The following LMNTD2 variants were observed in gnomAD, a reference collection of about 807,000 sequenced individuals.
The protein encoded by LMNTD2 is lamin tail domain-containing protein 2.
Under a neutral mutation model 70.1 loss-of-function variants are expected in LMNTD2, and 83 were observed. The observed-to-expected ratio is 1.18, with a 90% CI of 0.99 to 1.42. The LOEUF (loss-of-function observed/expected upper bound fraction) is 1.42, where lower values mean the gene tolerates loss of function less well. LMNTD2 is among the 40% of genes most tolerant of loss of function. The pLI, the probability that LMNTD2 is intolerant of heterozygous loss-of-function variation, is 0.00. For missense variants in LMNTD2, 1,153 were observed against 905.9 expected, an observed-to-expected ratio of 1.27 and a Z score of -3.50; for synonymous variants, 534 against 406.1, an observed-to-expected ratio of 1.31 and a Z score of -3.79.
At chr11:556,735 G>A in intron 8 of LMNTD2, 100 bp downstream of exon 8, 1 of 1,437,680 alleles carries the variant, frequency 7.0e-7, no homozygotes, top group East Asian at 2.5e-5. Flanking sequence ...GCTGGACCTT[G>A]GGGGCTGGAG....
In LMNTD2 at chr11:558,750, GGGACTCAAGA is replaced by G; in HGVS notation, c.165_174del (p.Leu56TrpfsTer62). The G allele has an allele frequency of 6.2e-7, 1 of 1,607,206 alleles. No homozygotes were observed. Among genetic ancestry groups the G allele is most frequent in the Non-Finnish European group, 8.5e-7 (1 of 1,176,564 alleles). The stretch of plus-strand genomic sequence containing the variant: ...AGCAGCCGCAGTGTGCGAGGGTCCA[GGGACTCAAGA>G]GCCAACCTGCAGCGGCAGCAGACCC... On this transcript the variant is annotated frameshift_variant, in exon 3 of 14. Transcript: ENST00000329451. LOFTEE classifies it high-confidence loss of function.
chr11:560,706 A>T lies in LMNTD2; in HGVS notation c.11T>A (p.Leu4Gln). The change falls in exon 1 of 14, where the codon CTG becomes CAG. Residue 4 changes from leucine (L) to glutamine (Q), a missense_variant. Transcript: ENST00000329451. MRW[L>Q]RPAGRRREQE... ...ACCCCGACGCCTGCCCGCGGGCCGC[A>T]GCCACCGCATTTCCGCGTTTTTCGC... 1 of 1,441,216 alleles carries T rather than the reference A, an allele frequency of 6.9e-7. No individual in the cohort carries two copies. Among genetic ancestry groups the T allele is most frequent in the Non-Finnish European group, 9.2e-7 (1 of 1,090,288 alleles). 89.3% of individuals were successfully genotyped at this position (1,441,216 alleles called of 1,614,324 possible).
In LMNTD2 at chr11:555,295, G is replaced by T; in HGVS notation, c.1773+10C>A. 2 of 1,397,610 alleles carry T rather than the reference G, an allele frequency of 1.4e-6. No homozygotes were observed. The highest frequency in any genetic ancestry group is 9.3e-7 in the Non-Finnish European group (1 of 1,077,334). 86.6% of individuals were successfully genotyped at this position (1,397,610 alleles called of 1,614,324 possible). A position where few individuals can be genotyped will look rare whatever the true frequency, so the allele number is the denominator to read the frequency against. ...GAGAGGAGGGGGCGCACCCGCAAGC[G>T]CGCACTCACCCGAACTCGGTGTTCT... On this transcript the variant is annotated intron_variant, in intron 13 of 13. Coordinates refer to ENST00000329451, the MANE Select transcript of LMNTD2 (RefSeq NM_173573.3).
intron 1 of LMNTD2, 67 bp downstream of exon 1, chr11:560,616 G>A (rs932139517): frequency 8.3e-6 from 11 of 1,325,264 alleles, no homozygotes; most frequent in Non-Finnish European, 9.7e-6. Flanking sequence ...GACCCTTCCT[G>A]GGCGGGAACC....
intron 8 of LMNTD2, 42 bp downstream of exon 8, chr11:556,793 G>A (rs1284387842): frequency 2.7e-6 from 4 of 1,506,726 alleles, no homozygotes; most frequent in Non-Finnish European, 3.6e-6. Flanking sequence ...AGGGGGTGGA[G>A]GGTGGGTGAA....
chr11:557,856 G>A, intron 5 of LMNTD2, 28 bp downstream of exon 5: 2 of 1,541,856 alleles, frequency 1.3e-6, no homozygotes, highest in Non-Finnish European at 1.7e-6. Flanking sequence ...GGCAGCCTGG[G>A]GCAGGAGGGC....
chr11:558,490 G>T, intron 3 of LMNTD2, 124 bp downstream of exon 3: 1 of 1,281,676 alleles, frequency 7.8e-7, no homozygotes, highest in Non-Finnish European at 1.1e-6. Flanking sequence ...AGGGTGGAGG[G>T]TCAGCGCGGG....
chr11:558,322 G>C (rs548928433), intron 3 of LMNTD2, 74 bp from the exon 4 acceptor site: 1 of 1,508,400 alleles, frequency 6.6e-7, no homozygotes, highest in Admixed American at 1.8e-5. Flanking sequence ...AGTGGCGAAG[G>C]AGGGGAGAAG....
chr11:555,810 G>A lies in LMNTD2; in HGVS notation c.1498C>T (p.Arg500Cys). The A allele has an allele frequency of 2.6e-6, 4 of 1,529,454 alleles. No homozygotes were observed. The highest frequency in any genetic ancestry group is 2.6e-6 in the Non-Finnish European group (3 of 1,149,588). The allele number at this position is 1,529,454 out of a possible 1,614,324, so 94.7% of individuals were successfully genotyped here. Residue 500 changes from arginine (R) to cysteine (C), a missense_variant, in exon 12 of 14, where the codon CGC becomes TGC. By Grantham distance (180) the Arg-to-Cys change is radical (BLOSUM62 -3). Coordinates refer to ENST00000329451, the MANE Select transcript of LMNTD2 (RefSeq NM_173573.3). ...GGTCGAGGTGGGCGCGGCGGCTTGC[G>A]GGTGTCGGCGCCGGGCCCGGCCTCA... ...LPEAGPGADT[R>C]KPPRPPRPLR...
In LMNTD2 at chr11:554,921, G is replaced by T; in HGVS notation, c.*59C>A. 1 of 1,287,164 alleles carries T rather than the reference G, an allele frequency of 7.8e-7. No homozygotes were observed. Among genetic ancestry groups the T allele is most frequent in the South Asian group, 1.5e-5 (1 of 65,178 alleles). 79.7% of individuals were successfully genotyped at this position (1,287,164 alleles called of 1,614,324 possible). A position where few individuals can be genotyped will look rare whatever the true frequency, so the allele number is the denominator to read the frequency against. The stretch of plus-strand genomic sequence containing the variant: ...ATAAATGATGCAGCGGACACAGCCC[G>T]CCCAGCCCCGGCGCCCGCCCGCGCC... On this transcript the variant is annotated 3_prime_UTR_variant, in exon 14 of 14. Coordinates refer to ENST00000329451, the MANE Select transcript of LMNTD2 (RefSeq NM_173573.3).
chr11:558,399 C>A (rs989395222), intron 3 of LMNTD2, 151 bp from the exon 4 acceptor site: 3 of 1,087,962 alleles, frequency 2.8e-6, no homozygotes, highest in Admixed American at 2.8e-5. Context: ...TGGCCAGCCT[C>A]CGGCTGGTCT....
intron 3 of LMNTD2, 155 bp downstream of exon 3, chr11:558,459 A>G: frequency 9.1e-7 from 1 of 1,104,046 alleles, no homozygotes; most frequent in South Asian, 1.6e-5. Context: ...GGTGGAGGCT[A>G]TAGCGTGTTA....
At chr11:559,466 C>A (rs117460484) in intron 1 of LMNTD2, 50,929 of 1,302,788 alleles carry the variant, frequency 0.039, 1,130 homozygotes, top group Middle Eastern at 0.054. Flanking sequence ...GACCCCAGAC[C>A]AGGCCCCTAG....
In LMNTD2 at chr11:558,969, C is replaced by A; in HGVS notation, c.45G>T (p.Ser15=). Residue 15 remains serine (S), a synonymous_variant, in exon 2 of 14, where the codon TCG becomes TCT. Coordinates refer to ENST00000329451, the MANE Select transcript of LMNTD2 (RefSeq NM_173573.3). Reference sequence around the variant, plus strand: ...CTGGAGGTCCCAGGTGACCACTGACCGACTCTTGCTCTGTGGGGGACAGGA... The same window carrying A: ...CTGGAGGTCCCAGGTGACCACTGACAGACTCTTGCTCTGTGGGGGACAGGA... ...RPAGRRREQE[S]VSGHLGPPAG... The A allele has an allele frequency of 6.2e-7, 1 of 1,601,302 alleles. No homozygotes were observed. The highest frequency in any genetic ancestry group is 8.5e-7 in the Non-Finnish European group (1 of 1,179,640).
At position 556,066 on chromosome 11, in the gene LMNTD2, G is replaced by C; in HGVS notation, c.1307C>G (p.Ser436Trp). 6 of 1,546,076 alleles carry C rather than the reference G, an allele frequency of 3.9e-6. No homozygotes were observed. Among genetic ancestry groups the C allele is most frequent in the Non-Finnish European group, 5.2e-6 (6 of 1,157,088 alleles). ...GAGGAGGGGAACGGGCTCCCGGCTCGAGGACGCGCGCAGCGGCTTCTTGGC... is the reference window on the plus strand; with the variant it reads ...GAGGAGGGGAACGGGCTCCCGGCTCCAGGACGCGCGCAGCGGCTTCTTGGC... ...RSAKKPLRAS[S>W]SREPVPLLSI... is the part of the protein sequence containing the mutation. Residue 436 changes from serine (S) to tryptophan (W), a missense_variant, in exon 11 of 14, where the codon TCG (serine) becomes TGG (tryptophan). Physicochemically the swap from Ser to Trp is radical, Grantham distance 177 (BLOSUM62 -3). Transcript: ENST00000329451.
At position 556,248 on chromosome 11, in the gene LMNTD2, C is replaced by T. The variant is rs1411337360; in HGVS notation, c.1201G>A (p.Glu401Lys). The T allele has an allele frequency of 1.5e-5, 23 of 1,529,276 alleles. No individual in the cohort carries two copies. The highest frequency in any genetic ancestry group is 2.0e-5 in the Non-Finnish European group (23 of 1,144,006). The allele number at this position is 1,529,276 out of a possible 1,614,324, so 94.7% of individuals were successfully genotyped here. The stretch of plus-strand genomic sequence containing the variant: ...CCCGGCGGGAAGCGGTACAGGCGCT[C>T]CGGGAAGCCGCGCACCAGCTGCTTC... ...VLKQLVRGFP[E>K]RLYRFPPGTL... Residue 401 changes from glutamate (E) to lysine (K), a missense_variant, in exon 10 of 14, where the codon GAG becomes AAG. By Grantham distance (56) the Glu-to-Lys change is moderately conservative. Transcript: ENST00000329451.
At position 558,190 on chromosome 11, in the gene LMNTD2, A is replaced by G. The variant is rs754454141; in HGVS notation, c.370T>C (p.Leu124=). 1.2e-6 allele frequency: 2 copies of G among 1,612,760 alleles called. No homozygotes were observed. The highest frequency in any genetic ancestry group is 1.7e-6 in the Non-Finnish European group (2 of 1,179,656). Reference sequence around the variant, plus strand: ...TGGGCTCGCTCCTTCTGTTCCTTCAACTCCTGGATCAGCTTCTGGACCTGG... The same window carrying G: ...TGGGCTCGCTCCTTCTGTTCCTTCAGCTCCTGGATCAGCTTCTGGACCTGG... ...QNQVQKLIQE[L]KEQKERAQWE... is the part of the protein sequence containing the mutation. The change falls in exon 4 of 14, where the codon TTG becomes CTG. Residue 124 remains leucine (L), a synonymous_variant. Transcript: ENST00000329451.
chr11:558,361 A>G, intron 3 of LMNTD2, 113 bp from the exon 4 acceptor site: 1 of 1,272,550 alleles, frequency 7.9e-7, no homozygotes, highest in East Asian at 2.5e-5. Context: ...CTTGGCCCCA[A>G]GGGCACACAG....
chr11:555,969 GC>G (rs1263252823), intron 11 of LMNTD2, 26 bp downstream of exon 11: 1 of 1,551,120 alleles, frequency 6.4e-7, no homozygotes, highest in Non-Finnish European at 8.6e-7. Context: ...CCCAGCCCCG[GC>G]CGCCCCACCG....
Sources: gnomAD v4.1 joint callset for allele counts on GRCh38, gnomAD v4.1.1 for gene constraint, MANE v1.5 for transcripts, NCBI Gene and HGNC (gene_info 2026-07-23, HGNC 2026-07-21) for gene names.